PDE10A: variants seen among roughly 807,000 people sequenced by gnomAD.
The protein encoded by PDE10A is phosphodiesterase 10A, also known as cAMP and cAMP-inhibited cGMP 3',5'-cyclic phosphodiesterase 10A.
Under a neutral mutation model 97.7 loss-of-function variants are expected in PDE10A, and 39 were observed. That is an observed-to-expected ratio of 0.40 (90% CI 0.31 to 0.52). The LOEUF (loss-of-function observed/expected upper bound fraction) is 0.52. Ranked by LOEUF, PDE10A falls within the 20% of genes least tolerant of loss-of-function variation. The probability of loss-of-function intolerance (pLI) is 0.56; values close to 1 mark genes in which losing one functional copy is unlikely to be tolerated. For missense variants in PDE10A, 731 were observed against 1,047.8 expected, an observed-to-expected ratio of 0.70 and a Z score of 4.17; for synonymous variants, 371 against 376.8, an observed-to-expected ratio of 0.98 and a Z score of 0.18.
intron 21 of PDE10A, among the ~76,000 whole-genome samples, chr6:165,334,099 G>C (rs1331366610): frequency 6.6e-6 from 1 of 152,186 alleles, no homozygotes; most frequent in Non-Finnish European, 1.5e-5. Context: ...ACTAATTTTG[G>C]TATGTTTCCT....
At chr6:165,367,341 A>G (rs572721491) in intron 18 of PDE10A, among the ~76,000 whole-genome samples, 1 of 151,428 alleles carries the variant, frequency 6.6e-6, no homozygotes, top group Admixed American at 6.6e-5. Context: ...GAAAAAAAAC[A>G]GTGAGATTAG....
chr6:165,760,389 T>G (rs558767032), intron 1 of PDE10A, among the ~76,000 whole-genome samples: 1 of 152,276 alleles, frequency 6.6e-6, no homozygotes, highest in South Asian at 2.1e-4. Context: ...GGCCACTTAA[T>G]TTTCTTTCTC....
intron 1 of PDE10A, among the ~76,000 whole-genome samples, chr6:165,605,738 T>C (rs1248963708): frequency 3.9e-5 from 6 of 152,080 alleles, no homozygotes. Context: ...CTACTACTGT[T>C]TTCAGGTAGG....
intron 1 of PDE10A, among the ~76,000 whole-genome samples, chr6:165,905,876 T>G (rs1435726570): frequency 6.6e-6 from 1 of 152,100 alleles, no homozygotes; most frequent in East Asian, 1.9e-4. Context: ...GACACAAATC[T>G]AGTCATAAAA....
At chr6:165,463,223 G>T (rs1412759551) in intron 3 of PDE10A, among the ~76,000 whole-genome samples, 2 of 152,180 alleles carry the variant, frequency 1.3e-5, no homozygotes, top group Non-Finnish European at 2.9e-5. Flanking sequence ...CTGGAACCAT[G>T]GTGGTATAGT....
chr6:165,923,707 G>A lies in PDE10A; in HGVS notation c.-615+63822C>T, dbSNP rs552712096. ...TCAATGAACATGGGAAGAGGCTCAGGAAACAGTTATACAATTTGGGATTAT... is the reference window on the plus strand; with the variant it reads ...TCAATGAACATGGGAAGAGGCTCAGAAAACAGTTATACAATTTGGGATTAT... On this transcript the variant is annotated intron_variant, in intron 1 of 19. Coordinates refer to the PDE10A transcript ENST00000366882. Among the ~76,000 whole-genome samples, 11 of 152,118 alleles carry A rather than the reference G, an allele frequency of 7.2e-5. No individual in the cohort carries two copies. In the South Asian group the frequency reaches 8.3e-4, roughly 12 times the overall value.
At chr6:165,827,745 T>C (rs1318698784) in intron 1 of PDE10A, among the ~76,000 whole-genome samples, 1 of 152,212 alleles carries the variant, frequency 6.6e-6, no homozygotes, top group African/African-American at 2.4e-5. Flanking sequence ...GAGATTTTGG[T>C]CACCCGTCAC....
intron 1 of PDE10A, among the ~76,000 whole-genome samples, chr6:165,632,723 C>A (rs1340912107): frequency 6.6e-6 from 1 of 152,170 alleles, no homozygotes; most frequent in African/African-American, 2.4e-5. Flanking sequence ...CGTGGAGAAA[C>A]CAGATCACAA....
intron 2 of PDE10A, among the ~76,000 whole-genome samples, chr6:165,527,737 G>A (rs936579773): frequency 3.3e-5 from 5 of 152,162 alleles, no homozygotes; most frequent in African/African-American, 1.2e-4. Flanking sequence ...AGGTCCTGAA[G>A]GCACAAGTAA....
chr6:165,854,559 C>G (rs1161766592), intron 1 of PDE10A, among the ~76,000 whole-genome samples: 1 of 152,200 alleles, frequency 6.6e-6, no homozygotes, highest in Non-Finnish European at 1.5e-5. Flanking sequence ...GCTGAGCTCC[C>G]AGGGCGGCAC....
chr6:165,893,018 C>T (rs999320865), intron 1 of PDE10A, among the ~76,000 whole-genome samples: 1 of 152,162 alleles, frequency 6.6e-6, no homozygotes, highest in Non-Finnish European at 1.5e-5. Flanking sequence ...GCTGTCTCCC[C>T]AGGTAGGATT....
chr6:165,428,761 A>G (rs767772874), intron 9 of PDE10A, 52 bp from the exon 10 acceptor site: 10 of 658,750 alleles, frequency 1.5e-5, no homozygotes, highest in Non-Finnish European at 2.7e-5. Context: ...TTCACAGTAC[A>G]TATTACACTT....
At chr6:165,807,572 C>G (rs1181963156) in intron 1 of PDE10A, among the ~76,000 whole-genome samples, 2 of 152,104 alleles carry the variant, frequency 1.3e-5, no homozygotes, top group African/African-American at 4.8e-5. Flanking sequence ...AGAATTGTGG[C>G]TAATGGAAAT....
chr6:165,475,930 C>T (rs1047667204), intron 3 of PDE10A, among the ~76,000 whole-genome samples: 2 of 152,132 alleles, frequency 1.3e-5, no homozygotes, highest in African/African-American at 4.8e-5. Context: ...TGAGAATGTC[C>T]ACAACTCTAG....
In PDE10A at chr6:165,819,765, C is replaced by G. The variant is rs1165530668; in HGVS notation, c.-615+167764G>C. Among the ~76,000 whole-genome samples, 1 of 152,198 alleles carries G rather than the reference C, an allele frequency of 6.6e-6. No homozygotes were observed. Among genetic ancestry groups the G allele is most frequent in the African/African-American group, 2.4e-5 (1 of 41,438 alleles). On this transcript the variant is annotated intron_variant, in intron 1 of 19. Coordinates refer to the PDE10A transcript ENST00000366882. This position sits in a 1 kb window ranked among gnomAD's most constrained non-coding sequence, Gnocchi z 4.2. ...TCCGGCCAGGATCTGAAACCTACTG[C>G]AGTGCCTACAACAGTGCCTGCCACA...
intron 5 of PDE10A, among the ~76,000 whole-genome samples, chr6:165,443,999 TTTG>T (rs1320094503): frequency 6.6e-6 from 1 of 152,150 alleles, no homozygotes; most frequent in Non-Finnish European, 1.5e-5. Context: ...AGAAAATCGG[TTTG>T]TCCTTTCTAC....
intron 1 of PDE10A, among the ~76,000 whole-genome samples, chr6:165,558,599 TTTGA>T (rs1351867259): frequency 6.6e-6 from 1 of 152,198 alleles, no homozygotes; most frequent in African/African-American, 2.4e-5. Flanking sequence ...CTTAAAAATG[TTTGA>T]TTATCAATTC....
chr6:165,388,183 A>T lies in PDE10A; in HGVS notation c.2610+115T>A, dbSNP rs1323220009. On this transcript the variant is annotated intron_variant, in intron 17 of 21. Transcript: ENST00000539869. This position sits in a 1 kb window ranked among gnomAD's most constrained non-coding sequence, Gnocchi z 4.0. ...CTATAAATATAAGGTTCTACAATAA[A>T]AAGTAGCTGTTGCTTTTAAGGAAGC... is the stretch of plus-strand genomic sequence containing the variant. The T allele has an allele frequency of 3.6e-6, 3 of 829,300 alleles. No individual in the cohort carries two copies. The highest frequency in any genetic ancestry group is 5.8e-6 in the Non-Finnish European group (3 of 512,894). 51.4% of individuals were successfully genotyped at this position (829,300 alleles called of 1,614,324 possible). A position where few individuals can be genotyped will look rare whatever the true frequency, so the allele number is the denominator to read the frequency against.
At chr6:165,567,455 G>T (rs553602562) in intron 1 of PDE10A, among the ~76,000 whole-genome samples, 1 of 152,282 alleles carries the variant, frequency 6.6e-6, no homozygotes, top group South Asian at 2.1e-4. Context: ...ATGACCTAGA[G>T]AAACTGTCAA....
Sources: allele counts gnomAD v4.1 joint callset (sites outside exome capture counted in the v4.1 genomes callset), GRCh38; gene constraint gnomAD v4.1.1; non-coding constraint Gnocchi (gnomAD v3.1); transcripts MANE v1.5; gene names NCBI Gene and HGNC (gene_info 2026-07-23, HGNC 2026-07-21).